Variants in ALDH9A1 observed in about 807,000 individuals in gnomAD.
The protein encoded by ALDH9A1 is aldehyde dehydrogenase 9 family member A1, also known as 4-trimethylaminobutyraldehyde dehydrogenase.
In ALDH9A1, 42 loss-of-function variants were observed where a neutral mutation model predicts 56.6. The ratio of observed to expected loss-of-function variants is 0.74; its 90% confidence interval spans 0.58 to 0.96. The LOEUF (loss-of-function observed/expected upper bound fraction) is 0.96, where lower values mean the gene tolerates loss of function less well. ALDH9A1 is among the 40% of genes least tolerant of loss of function. The pLI is 0.00. For missense variants in ALDH9A1, 661 were observed against 651.5 expected (o/e 1.01, Z -0.16); for synonymous variants, 242 against 236.0 (o/e 1.03, Z -0.23).
chr1:165,667,533 G>A (rs1344654848), intron 8 of ALDH9A1, 83 bp from the exon 9 acceptor site: 4 of 1,472,502 alleles, frequency 2.7e-6, no homozygotes, highest in Non-Finnish European at 2.8e-6. Flanking sequence ...TGAAGATCGG[G>A]TCTCACTATG....
chr1:165,675,248 G>GCT (rs34495301), intron 6 of ALDH9A1, among the ~76,000 whole-genome samples: 33,259 of 150,372 alleles, frequency 0.22, 4,845 homozygotes, highest in East Asian at 0.79. Context: ...TATTTTTAGT[G>GCT]CTCTCTCTCT....
chr1:165,672,501 G>C (rs999179516), intron 6 of ALDH9A1, among the ~76,000 whole-genome samples: 1 of 152,198 alleles, frequency 6.6e-6, no homozygotes, highest in Non-Finnish European at 1.5e-5. Context: ...ACCAGAGGCT[G>C]AGGGGAGAGA....
chr1:165,685,307 C>G (rs931386664), intron 2 of ALDH9A1, among the ~76,000 whole-genome samples: 1 of 152,172 alleles, frequency 6.6e-6, no homozygotes, highest in African/African-American at 2.4e-5. Context: ...CTCAGCAGGG[C>G]TTAATGTCTA....
intron 6 of ALDH9A1, among the ~76,000 whole-genome samples, chr1:165,677,939 G>T (rs886229387): frequency 6.6e-6 from 1 of 151,952 alleles, no homozygotes; most frequent in Admixed American, 6.6e-5. Context: ...TGAAACAGGA[G>T]AATCACTTGA....
chr1:165,677,718 C>T (rs111547233), intron 6 of ALDH9A1, among the ~76,000 whole-genome samples: 1 of 151,900 alleles, frequency 6.6e-6, no homozygotes, highest in Non-Finnish European at 1.5e-5. Flanking sequence ...ATTAGCCAGG[C>T]GTGGTGGCGG....
rs776674979 is a variant in ALDH9A1 at position 165,680,517 on chromosome 1, G to C, written c.759C>G (p.Ser253=). Residue 253 remains serine, a synonymous_variant, in exon 5 of 11, where the codon TCC becomes TCG. Coordinates refer to ENST00000354775, the MANE Select transcript of ALDH9A1 (RefSeq NM_000696.4). ...LCQHPDVAKV[S]FTGSVPTGMK... ...TGCCAGTGGGCACACTTCCAGTGAA[G>C]GAGACTTTGGCCACATCGGGATGCT... 2.5e-6 allele frequency: 4 copies of C among 1,614,186 alleles called. No individual in the cohort carries two copies. In the Admixed American group the frequency reaches 6.7e-5, roughly 27 times the overall value.
At chr1:165,669,515 T>C in intron 6 of ALDH9A1, 65 bp from the exon 7 acceptor site, 1 of 1,382,422 alleles carries the variant, frequency 7.2e-7, no homozygotes, top group Non-Finnish European at 9.7e-7. Flanking sequence ...AAAGGAAAAA[T>C]GAACACAATC....
At chr1:165,664,891 A>G (rs113699873) in intron 10 of ALDH9A1, 127 bp downstream of exon 10, 17 of 716,478 alleles carry the variant, frequency 2.4e-5, no homozygotes, top group African/African-American at 1.4e-4. Flanking sequence ...CTGGGGAAGG[A>G]CCAGGAACCT....
intron 9 of ALDH9A1, among the ~76,000 whole-genome samples, chr1:165,666,743 CAA>C (rs1335952375): frequency 6.6e-6 from 1 of 152,154 alleles, no homozygotes; most frequent in African/African-American, 2.4e-5. Context: ...AAAGACTAAT[CAA>C]AGTTTGTATA....
chr1:165,684,959 A>T (rs560370188), intron 2 of ALDH9A1, among the ~76,000 whole-genome samples: 4 of 151,466 alleles, frequency 2.6e-5, no homozygotes, highest in Admixed American at 2.0e-4. Context: ...GCCTTGGGAA[A>T]TTTTTTCTGT....
In ALDH9A1 at chr1:165,667,317, G is replaced by C; in HGVS notation, c.1341C>G (p.Val447=). 6.2e-7 allele frequency: 1 copy of C among 1,614,086 alleles called. No individual in the cohort carries two copies. Among genetic ancestry groups the C allele is most frequent in the East Asian group, 2.2e-5 (1 of 44,888 alleles). ...NDTTFGLAAG[V]FTRDIQRAHR... ...TGTCCCACTCCACATACCTGGTAAAGACGCCAGCTGCTAGTCCAAAAGTGG... is the reference window on the plus strand; with the variant it reads ...TGTCCCACTCCACATACCTGGTAAACACGCCAGCTGCTAGTCCAAAAGTGG... The change falls in exon 9 of 11, where the codon GTC becomes GTG. Residue 447 remains valine, a synonymous_variant. Transcript: ENST00000354775.
chr1:165,667,258 T>A (rs1004436816), intron 9 of ALDH9A1, 51 bp downstream of exon 9: 18 of 1,606,358 alleles, frequency 1.1e-5, no homozygotes, highest in Non-Finnish European at 1.5e-5. Flanking sequence ...TCTAAGCAGA[T>A]ACTGCAGCCC....
chr1:165,692,556 A>T (rs1292344763), intron 2 of ALDH9A1, among the ~76,000 whole-genome samples: 1 of 152,234 alleles, frequency 6.6e-6, no homozygotes, highest in East Asian at 1.9e-4. Context: ...TGCTCAATGA[A>T]ATAAAAGAGG....
intron 2 of ALDH9A1, among the ~76,000 whole-genome samples, chr1:165,694,133 A>G (rs1049940689): frequency 3.3e-5 from 5 of 151,824 alleles, no homozygotes; most frequent in Non-Finnish European, 5.9e-5. Flanking sequence ...TGATGGGTGC[A>G]GCAAACCAAC....
At chr1:165,669,742 T>G (rs1649118967) in intron 6 of ALDH9A1, among the ~76,000 whole-genome samples, 1 of 152,088 alleles carries the variant, frequency 6.6e-6, no homozygotes, top group Non-Finnish European at 1.5e-5. Flanking sequence ...CCACAGCACC[T>G]CTCCTACTTC....
At chr1:165,669,910 T>C (rs1649124150) in intron 6 of ALDH9A1, among the ~76,000 whole-genome samples, 2 of 152,058 alleles carry the variant, frequency 1.3e-5, no homozygotes, top group South Asian at 4.1e-4. Flanking sequence ...GAAAGGAACA[T>C]AAAAACTGTT....
In ALDH9A1 at chr1:165,698,414, C is replaced by T; in HGVS notation, c.145G>A (p.Ala49Thr). 14 of 1,605,600 alleles carry T rather than the reference C, an allele frequency of 8.7e-6. No individual in the cohort carries two copies. Among genetic ancestry groups the T allele is most frequent in the Non-Finnish European group, 1.2e-5 (14 of 1,177,066 alleles). ...TCGAAAGCTTTCTCGGTACCGGAGG[C>T]GTCCGCCGGCTCCACGCGGGCCCCG... Reference protein sequence around the residue: ...RGGARVEPADASGTEKAFEPA... With the variant: ...RGGARVEPADTSGTEKAFEPA... The change falls in exon 1 of 11, where the codon GCC becomes ACC. Residue 49 changes from alanine (A) to threonine (T), a missense_variant. Coordinates refer to ENST00000354775, the MANE Select transcript of ALDH9A1 (RefSeq NM_000696.4).
chr1:165,689,725 G>A (rs1649824823), intron 2 of ALDH9A1, among the ~76,000 whole-genome samples: 1 of 152,036 alleles, frequency 6.6e-6, no homozygotes, highest in Non-Finnish European at 1.5e-5. Context: ...CCTAAGGTCA[G>A]GAGTTTGAGA....
Position 165,669,287 on chromosome 1 carries a change from C to T in ALDH9A1, c.1094G>A (p.Gly365Glu), listed in dbSNP as rs780242384. 1.9e-6 allele frequency: 3 copies of T among 1,608,722 alleles called. No homozygotes were observed. The highest frequency in any genetic ancestry group is 2.5e-6 in the Non-Finnish European group (3 of 1,178,358). The change falls in exon 7 of 11, where the codon GGG becomes GAG. Residue 365 changes from glycine (G) to glutamate (E), a missense_variant. Gly to Glu is a moderately conservative substitution (Grantham distance 98). Transcript: ENST00000354775. ...CTGCTCCTTTGCCACTTTGACAAAC[C>T]CAAGGACTCGCTCCAGGTGTGGTCG... is the stretch of plus-strand genomic sequence containing the variant. ...INRPHLERVL[G>E]FVKVAKEQGA...
Sources: gnomAD v4.1 joint callset for allele counts (sites outside exome capture counted in the v4.1 genomes callset) on GRCh38, gnomAD v4.1.1 for gene constraint, MANE v1.5 for transcripts, NCBI Gene and HGNC (gene_info 2026-07-23, HGNC 2026-07-21) for gene names.